The following ISY1 variants were observed in gnomAD, a reference collection of about 807,000 sequenced individuals.
ISY1 encodes ISY1 spliceosome associated protein.
In ISY1, 12 loss-of-function variants were observed where a neutral mutation model predicts 54.4. That is an observed-to-expected ratio of 0.22 (90% CI 0.14 to 0.36). ISY1 has a LOEUF of 0.36. ISY1 is among the 10% of genes least tolerant of loss of function. The pLI is 1.00. For missense variants in ISY1, 282 were observed against 342.2 expected, an observed-to-expected ratio of 0.82 and a Z score of 1.39; for synonymous variants, 96 against 117.9, an observed-to-expected ratio of 0.81 and a Z score of 1.20.
intron 9 of ISY1, 49 bp downstream of exon 9, chr3:129,134,025 T>C (rs1461507907): frequency 6.2e-7 from 1 of 1,609,696 alleles, no homozygotes; most frequent in East Asian, 2.2e-5. Context: ...CCACACTTCA[T>C]GGCTTGGAAC....
intron 5 of ISY1, 141 bp downstream of exon 5, chr3:129,156,492 G>T: frequency 2.6e-6 from 2 of 763,814 alleles, no homozygotes; most frequent in Non-Finnish European, 4.2e-6. Context: ...CAAACTGACT[G>T]ATCGTATTGA....
chr3:129,157,546 C>G (rs751099653), intron 3 of ISY1, among the ~76,000 whole-genome samples: 29 of 151,824 alleles, frequency 1.9e-4, no homozygotes, highest in Admixed American at 1.8e-3. Context: ...TGGTGAAACC[C>G]CATCTCTACT....
At chr3:129,133,970 G>A in intron 9 of ISY1, 104 bp downstream of exon 9, 1 of 1,555,580 alleles carries the variant, frequency 6.4e-7, no homozygotes, top group Non-Finnish European at 8.7e-7. Context: ...AGCAAGCTGG[G>A]CTGTGAACCC....
chr3:129,136,502 GTTT>G (rs1266846978), intron 7 of ISY1, among the ~76,000 whole-genome samples: 1 of 151,700 alleles, frequency 6.6e-6, no homozygotes, highest in African/African-American at 2.4e-5. Context: ...ATCCCAGCAT[GTTT>G]TTTTCTTTTT....
At chr3:129,148,408 G>C (rs1339427500) in intron 5 of ISY1, among the ~76,000 whole-genome samples, 1 of 152,162 alleles carries the variant, frequency 6.6e-6, no homozygotes, top group Admixed American at 6.6e-5. Flanking sequence ...CACTAGCAGT[G>C]CATGAGAGTT....
intron 5 of ISY1, among the ~76,000 whole-genome samples, chr3:129,155,053 C>T (rs1451399594): frequency 6.6e-6 from 1 of 151,824 alleles, no homozygotes; most frequent in Non-Finnish European, 1.5e-5. Context: ...GTTTTCAATG[C>T]TATTGATTTC....
At chr3:129,143,375 G>A (rs2062125) in intron 6 of ISY1, among the ~76,000 whole-genome samples, 133,340 of 151,608 alleles carry the variant, frequency 0.88, 59,751 homozygotes, top group Non-Finnish European at 0.97. Flanking sequence ...GTGTGGTGGC[G>A]CACACCTATA....
chr3:129,130,155 C>T lies in ISY1; in HGVS notation c.784G>A (p.Glu262Lys). Reference protein sequence around the residue: ...EEALVRRKKMELLQKYASETL... With the variant: ...EEALVRRKKMKLLQKYASETL... ...TCGCTTGCATACTTCTGGAGGAGTT[C>T]CATTTTCTTCCTTCGCACCAGTGCC... Residue 262 changes from glutamate (E) to lysine (K), a missense_variant, in exon 11 of 11, where the codon GAA becomes AAA. Glu to Lys is a moderately conservative substitution (Grantham distance 56). Transcript: ENST00000393295. 1 of 1,611,880 alleles carries T rather than the reference C, an allele frequency of 6.2e-7. No individual in the cohort carries two copies. Among genetic ancestry groups the T allele is most frequent in the Non-Finnish European group, 8.5e-7 (1 of 1,179,268 alleles).
At position 129,158,684 on chromosome 3, in the gene ISY1, T is replaced by C. The variant is rs1482409; in HGVS notation, c.27-125A>G. ...ATTTAATGTCATTCATATACAAATA[T>C]TGTAATTAAGAAACCACAGAATAGT... On this transcript the variant is annotated intron_variant, in intron 2 of 10. Transcript: ENST00000393295. 0.014 allele frequency: 18,905 copies of C among 1,304,938 alleles called. 825 individuals carry two copies. Among genetic ancestry groups the C allele is most frequent in the African/African-American group, 0.091 (6,087 of 66,928 alleles). 80.8% of individuals were successfully genotyped at this position (1,304,938 alleles called of 1,614,324 possible).
At position 129,145,823 on chromosome 3, in the gene ISY1, G is replaced by C; in HGVS notation, c.238C>G (p.Leu80Val). The change falls in exon 6 of 11, where the codon CTG becomes GTG. Residue 80 changes from leucine (L) to valine (V), a missense_variant. By Grantham distance (32) the Leu-to-Val change is conservative (BLOSUM62 1). Around this residue, in one of 2 missense-constraint regions of ISY1, gnomAD observed 279 missense variants for 323.6 expected, o/e 0.86. Transcript: ENST00000393295. Reference sequence around the variant, plus strand: ...TCCCAGTGTCCTTTCTCCCTTAGCAGCTTGTTAATTTCATCATTCAGGTCA... The same window carrying C: ...TCCCAGTGTCCTTTCTCCCTTAGCACCTTGTTAATTTCATCATTCAGGTCA... The part of the protein sequence containing the change: ...IRDLNDEINK[L>V]LREKGHWEVR... 1 of 1,614,102 alleles carries C rather than the reference G, an allele frequency of 6.2e-7. No individual in the cohort carries two copies. Among genetic ancestry groups the C allele is most frequent in the East Asian group, 2.2e-5 (1 of 44,886 alleles).
intron 9 of ISY1, among the ~76,000 whole-genome samples, chr3:129,133,757 A>G (rs1426566022): frequency 6.6e-6 from 1 of 152,186 alleles, no homozygotes; most frequent in East Asian, 1.9e-4. Context: ...ACACGTGAAC[A>G]GAAGTGATGA....
intron 5 of ISY1, among the ~76,000 whole-genome samples, chr3:129,149,788 C>CAA (rs369302599): frequency 2.4e-5 from 2 of 83,572 alleles, no homozygotes; most frequent in African/African-American, 4.7e-5. Flanking sequence ...GACTCCAACT[C>CAA]AAAAAAAAAA....
In ISY1 at chr3:129,134,842, A is replaced by G; in HGVS notation, c.531T>C (p.Tyr177=). ...DGVIVPLEQE[Y]EKKLRAELVE... ...TGCCCAGAGACCTACGTTTCTTTTC[A>G]TATTCCTGTTCCAAAGGCACAATAA... The change falls in exon 8 of 11, where the codon TAT becomes TAC. Residue 177 remains tyrosine (Y), a synonymous_variant. Transcript: ENST00000393295. The G allele has an allele frequency of 6.2e-7, 1 of 1,608,518 alleles. No homozygotes were observed.
intron 9 of ISY1, among the ~76,000 whole-genome samples, chr3:129,132,602 C>CT (rs1936267435): frequency 6.6e-6 from 1 of 152,228 alleles, no homozygotes; most frequent in African/African-American, 2.4e-5. Flanking sequence ...AGCAGAGTGT[C>CT]TGCAGGCTGT....
rs924829578 is a variant in ISY1, at chr3:129,154,833, C to T, written c.187+1800G>A. ...CCTCCCAAGTAGCTGGGATTACAGG[C>T]GCCTGCCACCACATCCAGCTAATTT... On this transcript the variant is annotated intron_variant, in intron 5 of 10. Transcript: ENST00000393295. 9.2e-5 allele frequency among the ~76,000 whole-genome samples: 14 copies of T among 151,902 alleles called. No individual in the cohort carries two copies. The East Asian group carries it at 2.0e-3, about 21-fold the overall frequency.
In ISY1 at chr3:129,134,931, G is replaced by A. The variant is rs1219678677; in HGVS notation, c.442C>T (p.Arg148Cys). 5.0e-6 allele frequency: 8 copies of A among 1,608,998 alleles called. No individual in the cohort carries two copies. The highest frequency in any genetic ancestry group is 1.7e-4 in the Middle Eastern group (1 of 6,014). ...KEPLPPPRKT[R>C]AELMKAIDFE... ...TCGATTGCCTTCATGAGCTCAGCACGTGTCTTTCTGGGAGGAGGAAGAGCT... is the reference window on the plus strand; with the variant it reads ...TCGATTGCCTTCATGAGCTCAGCACATGTCTTTCTGGGAGGAGGAAGAGCT... The change falls in exon 8 of 11, where the codon CGT (arginine) becomes TGT (cysteine). Residue 148 changes from arginine to cysteine, a missense_variant. Physicochemically the swap from Arg to Cys is radical, Grantham distance 180. Transcript: ENST00000393295.
intron 2 of ISY1, 152 bp downstream of exon 2, chr3:129,159,002 G>T (rs936985116): frequency 3.7e-5 from 38 of 1,018,834 alleles, no homozygotes; most frequent in Non-Finnish European, 4.2e-5. Context: ...GCAAAAACAG[G>T]AATGTTTTTG....
In ISY1 at chr3:129,138,026, C is replaced by CA. The variant is rs111336740; in HGVS notation, c.418+2341dup. Among the ~76,000 whole-genome samples, 556 of 149,246 alleles carry CA rather than the reference C, an allele frequency of 3.7e-3. 1 individual carries two copies. Among genetic ancestry groups the CA allele is most frequent in the African/African-American group, 0.013 (527 of 40,392 alleles). ...GCACAGTGGCTCACGCCTGTAATCCCAGCATTTTGGGAGACCAAGGCGGGC... is the reference window on the plus strand; with the variant it reads ...GCACAGTGGCTCACGCCTGTAATCCCAAGCATTTTGGGAGACCAAGGCGGGC... On this transcript the variant is annotated intron_variant, in intron 7 of 10. Coordinates refer to ENST00000393295, the MANE Select transcript of ISY1 (RefSeq NM_020701.4).
chr3:129,145,875 T>C lies in ISY1; in HGVS notation c.188-2A>G. 2 of 1,613,800 alleles carry C rather than the reference T, an allele frequency of 1.2e-6. No individual in the cohort carries two copies. Among genetic ancestry groups the C allele is most frequent in the Non-Finnish European group, 1.7e-6 (2 of 1,179,916 alleles). ...GAATTCGAAATTCACCTAAACCAGC[T>C]AGAAAACAAAAAGGTTAACAATATC... On this transcript the variant is annotated splice_acceptor_variant, in intron 5 of 10. Transcript: ENST00000393295. LOFTEE classifies it high-confidence loss of function.
Sources: gnomAD v4.1 joint callset for allele counts (sites outside exome capture counted in the v4.1 genomes callset) on GRCh38, gnomAD v4.1.1 for gene constraint, gnomAD v4.1.1 regional missense constraint, MANE v1.5 for transcripts, NCBI Gene and HGNC (gene_info 2026-07-23, HGNC 2026-07-21) for gene names.